The following TMEM132D variants were observed in gnomAD, a reference collection of about 807,000 sequenced individuals.
TMEM132D encodes mature OL transmembrane protein.
Under a neutral mutation model 62.3 loss-of-function variants are expected in TMEM132D, and 21 were observed. The observed-to-expected ratio is 0.34, with a 90% confidence interval of 0.24 to 0.49. The LOEUF is 0.49. Ranked by LOEUF, TMEM132D falls within the 20% of genes least tolerant of loss-of-function variation. The pLI is 0.99. For synonymous variants in TMEM132D, 621 were observed against 575.6 expected, an observed-to-expected ratio of 1.08 and a Z score of -1.13; for missense variants, 1,346 against 1,402.8, an observed-to-expected ratio of 0.96 and a Z score of 0.65.
chr12:129,464,141 T>G (rs1275689189), intron 3 of TMEM132D, among the ~76,000 whole-genome samples: 1 of 149,714 alleles, frequency 6.7e-6, no homozygotes, highest in Non-Finnish European at 1.5e-5. Context: ...CACCTCTTGT[T>G]TCCTGACTTT....
At chr12:129,718,663 T>C (rs1868686771) in intron 1 of TMEM132D, among the ~76,000 whole-genome samples, 1 of 152,212 alleles carries the variant, frequency 6.6e-6, no homozygotes, top group African/African-American at 2.4e-5. Flanking sequence ...CTCACCATGA[T>C]ACTGTGGTGT....
intron 1 of TMEM132D, among the ~76,000 whole-genome samples, chr12:129,837,642 C>G (rs1873048155): frequency 6.6e-6 from 1 of 152,150 alleles, no homozygotes; most frequent in Admixed American, 6.6e-5. Flanking sequence ...TGATTTTCCC[C>G]CACCAAATGA....
intron 1 of TMEM132D, among the ~76,000 whole-genome samples, chr12:129,800,012 A>AT (rs1196784880): frequency 6.6e-6 from 1 of 152,178 alleles, no homozygotes. Context: ...GCGTACAGTC[A>AT]TTTTATGAGC....
At chr12:129,319,987 C>T (rs775685914) in intron 4 of TMEM132D, among the ~76,000 whole-genome samples, 10 of 152,198 alleles carry the variant, frequency 6.6e-5, no homozygotes, top group Non-Finnish European at 8.8e-5. Flanking sequence ...AACTCTCAGG[C>T]TCAAAATCCT....
chr12:129,451,858 G>A (rs138546080), intron 3 of TMEM132D, among the ~76,000 whole-genome samples: 1 of 152,262 alleles, frequency 6.6e-6, no homozygotes, highest in African/African-American at 2.4e-5. Flanking sequence ...CAAGAACTGG[G>A]TCACACGGCT....
chr12:129,695,975 C>T (rs1881198578), intron 2 of TMEM132D, among the ~76,000 whole-genome samples: 1 of 152,114 alleles, frequency 6.6e-6, no homozygotes, highest in Non-Finnish European at 1.5e-5. Context: ...CTTAGAATAT[C>T]ACTGGATACA....
intron 2 of TMEM132D, among the ~76,000 whole-genome samples, chr12:129,566,045 G>A (rs1877358521): frequency 6.6e-6 from 1 of 152,210 alleles, no homozygotes; most frequent in South Asian, 2.1e-4. Context: ...TGGCTGTCTT[G>A]AAGAAAAGCA....
At chr12:129,087,905 ACCGGGG>A (rs1874681326) in intron 5 of TMEM132D, among the ~76,000 whole-genome samples, 1 of 126,582 alleles carries the variant, frequency 7.9e-6, no homozygotes, top group Non-Finnish European at 1.6e-5. Flanking sequence ...GTCCTCCCTG[ACCGGGG>A]TGTCCTCCCT....
At chr12:129,505,409 A>AT (rs1002698465) in intron 3 of TMEM132D, among the ~76,000 whole-genome samples, 5 of 151,686 alleles carry the variant, frequency 3.3e-5, no homozygotes, top group South Asian at 2.1e-4. Flanking sequence ...TGCCCGGCTA[A>AT]TTTTTTTGTA....
chr12:129,646,104 G>A (rs968319066), intron 2 of TMEM132D, among the ~76,000 whole-genome samples: 2 of 152,070 alleles, frequency 1.3e-5, no homozygotes, highest in Non-Finnish European at 2.9e-5. Context: ...ACTTTACTCT[G>A]TTGGCTCGTA....
intron 7 of TMEM132D, among the ~76,000 whole-genome samples, chr12:129,080,180 A>G (rs1447911062): frequency 6.6e-6 from 1 of 152,224 alleles, no homozygotes; most frequent in Admixed American, 6.5e-5. Context: ...ATTAATGACC[A>G]TCATTTAGAG....
rs543146298 is a variant in TMEM132D at position 129,744,009 on chromosome 12, G to A, written c.80-43311C>T. On this transcript the variant is annotated intron_variant, in intron 1 of 8. Transcript: ENST00000422113. ...TGGCATTTTGTTACAGCAGCAGTAG[G>A]GAACCTATACAGCTATCTACAGTGT... Among the ~76,000 whole-genome samples, 4 of 152,298 alleles carry A rather than the reference G, an allele frequency of 2.6e-5. No individual in the cohort carries two copies. In the East Asian group the frequency reaches 7.7e-4, roughly 29 times the overall value.
intron 4 of TMEM132D, among the ~76,000 whole-genome samples, chr12:129,289,679 C>T (rs1881399700): frequency 6.6e-6 from 1 of 151,708 alleles, no homozygotes; most frequent in Non-Finnish European, 1.5e-5. Flanking sequence ...ATTAACCAAA[C>T]TCAAATTGAG....
At chr12:129,499,670 A>T (rs1269090634) in intron 3 of TMEM132D, among the ~76,000 whole-genome samples, 3 of 152,204 alleles carry the variant, frequency 2.0e-5, no homozygotes, top group Non-Finnish European at 4.4e-5. Flanking sequence ...AATTAAACAC[A>T]TGAACACGTG....
chr12:129,487,986 G>A (rs967907668), intron 3 of TMEM132D, among the ~76,000 whole-genome samples: 14 of 149,428 alleles, frequency 9.4e-5, no homozygotes, highest in Admixed American at 2.0e-4. Context: ...CCTAATCAAG[G>A]AGGCTTTAGG....
intron 3 of TMEM132D, among the ~76,000 whole-genome samples, chr12:129,500,976 A>G (rs1410206644): frequency 6.7e-6 from 1 of 150,082 alleles, no homozygotes; most frequent in Admixed American, 6.7e-5. Flanking sequence ...TTCAATTATA[A>G]CAGTCTTTAC....
chr12:129,243,015 T>A (rs1879977883), intron 4 of TMEM132D, among the ~76,000 whole-genome samples: 1 of 151,928 alleles, frequency 6.6e-6, no homozygotes, highest in Non-Finnish European at 1.5e-5. Flanking sequence ...TGCTAATGGA[T>A]CCCATTTTTG....
At chr12:129,455,436 T>C (rs1261053223) in intron 3 of TMEM132D, among the ~76,000 whole-genome samples, 1 of 152,186 alleles carries the variant, frequency 6.6e-6, no homozygotes, top group African/African-American at 2.4e-5. Flanking sequence ...GATGATAGAG[T>C]TACTCTTTTA....
Position 129,244,199 on chromosome 12 carries a change from C to T in TMEM132D, c.1300-34536G>A, listed in dbSNP as rs56410709. Among the ~76,000 whole-genome samples, 1,271 of 150,134 alleles carry T rather than the reference C, an allele frequency of 8.5e-3. 18 individuals are homozygous for T. Among genetic ancestry groups the T allele is most frequent in the African/African-American group, 0.03 (1,217 of 40,754 alleles). On this transcript the variant is annotated intron_variant, in intron 4 of 8. Transcript: ENST00000422113. ...AGGAGATCGAGACCATCCTGGCTAA[C>T]GCGGTGAAACCCCGTCTCTACTAAA...
Sources: gnomAD v4.1 joint callset for allele counts (sites outside exome capture counted in the v4.1 genomes callset) on GRCh38, gnomAD v4.1.1 for gene constraint, MANE v1.5 for transcripts, NCBI Gene and HGNC (gene_info 2026-07-23, HGNC 2026-07-21) for gene names.